COL14A1: variants seen among roughly 807,000 people sequenced by gnomAD.
COL14A1 encodes the protein collagen alpha-1(XIV) chain.
Under a neutral mutation model 230.3 loss-of-function variants are expected in COL14A1, and 136 were observed. The observed-to-expected ratio is 0.59, with a 90% CI of 0.51 to 0.68. The LOEUF (loss-of-function observed/expected upper bound fraction) is 0.68. Ranked by LOEUF, COL14A1 falls within the 30% of genes least tolerant of loss-of-function variation. The pLI is 0.00. For synonymous variants in COL14A1, 792 were observed against 784.1 expected, an observed-to-expected ratio of 1.01 and a Z score of -0.17; for missense variants, 1,976 against 2,215.8, an observed-to-expected ratio of 0.89 and a Z score of 2.17.
intron 42 of COL14A1, among the ~76,000 whole-genome samples, chr8:120,336,225 A>G (rs1822067297): frequency 6.6e-6 from 1 of 152,144 alleles, no homozygotes; most frequent in Admixed American, 6.5e-5. Flanking sequence ...GGCAAAGACA[A>G]GCAAATTGCT....
chr8:120,325,000 GGAAAA>G (rs1821609707), intron 40 of COL14A1, among the ~76,000 whole-genome samples: 2 of 151,832 alleles, frequency 1.3e-5, no homozygotes, highest in African/African-American at 4.8e-5. Flanking sequence ...TCTATAGTAT[GGAAAA>G]GAAAACTGCA....
At position 120,205,056 on chromosome 8, in the gene COL14A1, C is replaced by T. The variant is rs538635169; in HGVS notation, c.1039+1186C>T. 2.0e-5 allele frequency among the ~76,000 whole-genome samples: 3 copies of T among 152,218 alleles called. No homozygotes were observed. The South Asian group carries it at 6.2e-4, about 32-fold the overall frequency. On this transcript the variant is annotated intron_variant, in intron 9 of 47. Transcript: ENST00000297848. ...CAGCCAAAAAAGGCTGGAATTTTGA[C>T]TTCCCACTAGGCCTTTGCTGGCATG...
In COL14A1 at chr8:120,150,960, G is replaced by C. The variant is rs146190831; in HGVS notation, c.88+3030G>C. ...CAAACATCAATAGAGTTCAATAAGAGTTTAATAGAAGAAAAATGACTGATT... is the reference window on the plus strand; with the variant it reads ...CAAACATCAATAGAGTTCAATAAGACTTTAATAGAAGAAAAATGACTGATT... On this transcript the variant is annotated intron_variant, in intron 2 of 47. Transcript: ENST00000297848. 2.0e-5 allele frequency among the ~76,000 whole-genome samples: 3 copies of C among 151,822 alleles called. No individual in the cohort carries two copies. The East Asian group carries it at 5.8e-4, about 29-fold the overall frequency.
chr8:120,125,192 A>G lies in COL14A1; in HGVS notation c.-186A>G. The G allele has an allele frequency of 6.6e-6, 1 of 152,668 alleles. No individual in the cohort carries two copies. The highest frequency in any genetic ancestry group is 1.5e-5 in the Non-Finnish European group (1 of 68,312). 9.5% of individuals were successfully genotyped at this position (152,668 alleles called of 1,614,324 possible). ...AGCGCAGCGGCAGAAGGAGAGGGAG[A>G]GAGAAAGAGAGAGAGGCTAATTAAA... On this transcript the variant is annotated 5_prime_UTR_variant, in exon 1 of 48. Transcript: ENST00000297848.
At chr8:120,126,027 T>C (rs2130356238) in intron 1 of COL14A1, among the ~76,000 whole-genome samples, 1 of 152,224 alleles carries the variant, frequency 6.6e-6, no homozygotes, top group Non-Finnish European at 1.5e-5. Flanking sequence ...AGCCAGGAGG[T>C]TGCGGTTTTG....
At chr8:120,288,478 G>C (rs563839479) in intron 33 of COL14A1, among the ~76,000 whole-genome samples, 1 of 152,126 alleles carries the variant, frequency 6.6e-6, no homozygotes, top group Non-Finnish European at 1.5e-5. Context: ...TAATGTGAAA[G>C]AGGACATTAT....
intron 5 of COL14A1, among the ~76,000 whole-genome samples, chr8:120,183,984 T>C (rs1009088131): frequency 2.0e-5 from 3 of 152,182 alleles, no homozygotes; most frequent in Admixed American, 2.0e-4. Flanking sequence ...CAGTGTGTGA[T>C]GGTGGACACG....
At chr8:120,192,457 T>G (rs1435291190) in intron 5 of COL14A1, among the ~76,000 whole-genome samples, 1 of 152,160 alleles carries the variant, frequency 6.6e-6, no homozygotes, top group African/African-American at 2.4e-5. Context: ...AACCCGACCT[T>G]TCTCTCTGGC....
At chr8:120,243,763 T>C (rs997518577) in intron 19 of COL14A1, 116 bp from the exon 20 acceptor site, 2 of 1,255,466 alleles carry the variant, frequency 1.6e-6, no homozygotes, top group African/African-American at 1.5e-5. Flanking sequence ...TTCTCCTCAC[T>C]CTCAAAGCAC....
rs747413323 is a variant in COL14A1 at position 120,310,004 on chromosome 8, G to T, written c.4402-5G>T. ...TTGAGCTAATACTTAACATCTGTTT[G>T]CCAGGGTGGTCCAGGACTCCGAGGA... On this transcript the variant is annotated splice_region_variant and splice_polypyrimidine_tract_variant and intron_variant, in intron 36 of 47. Transcript: ENST00000297848. 6.2e-7 allele frequency: 1 copy of T among 1,613,788 alleles called. No individual in the cohort carries two copies. Among genetic ancestry groups the T allele is most frequent in the Non-Finnish European group, 8.5e-7 (1 of 1,179,794 alleles).
intron 1 of COL14A1, among the ~76,000 whole-genome samples, chr8:120,139,309 C>T (rs1272809390): frequency 6.6e-6 from 1 of 152,126 alleles, no homozygotes; most frequent in Non-Finnish European, 1.5e-5. Flanking sequence ...TCAGTTGTAA[C>T]TGCTGAGTCC....
chr8:120,162,380 T>A (rs1282966908), intron 3 of COL14A1, 46 bp from the exon 4 acceptor site: 1 of 1,520,858 alleles, frequency 6.6e-7, no homozygotes, highest in Non-Finnish European at 8.9e-7. Context: ...ATGTACACAG[T>A]GGACCTTATT....
At chr8:120,340,686 G>A (rs960778669) in intron 42 of COL14A1, among the ~76,000 whole-genome samples, 1 of 152,140 alleles carries the variant, frequency 6.6e-6, no homozygotes, top group African/African-American at 2.4e-5. Context: ...CTTTAATAAC[G>A]GCAAGGTTTC....
intron 45 of COL14A1, among the ~76,000 whole-genome samples, chr8:120,355,054 T>A (rs1312760538): frequency 6.6e-6 from 1 of 152,226 alleles, no homozygotes; most frequent in Non-Finnish European, 1.5e-5. Flanking sequence ...CTGAGGTTCC[T>A]CTTTTGATCA....
intron 23 of COL14A1, among the ~76,000 whole-genome samples, chr8:120,262,586 A>T (rs1819371579): frequency 6.6e-6 from 1 of 152,228 alleles, no homozygotes; most frequent in African/African-American, 2.4e-5. Flanking sequence ...ATATAATTAC[A>T]TGCATTAATA....
chr8:120,238,907 C>T (rs1818534430), intron 19 of COL14A1, among the ~76,000 whole-genome samples: 1 of 152,194 alleles, frequency 6.6e-6, no homozygotes, highest in African/African-American at 2.4e-5. Context: ...ACGTCCCACC[C>T]TGCTTATGCT....
chr8:120,297,969 A>G (rs1056547843), intron 35 of COL14A1, among the ~76,000 whole-genome samples: 1 of 152,080 alleles, frequency 6.6e-6, no homozygotes, highest in Non-Finnish European at 1.5e-5. Flanking sequence ...CTCAGTAGCC[A>G]TATAAAATAA....
chr8:120,343,478 C>G (rs186354706), intron 44 of COL14A1, among the ~76,000 whole-genome samples: 3 of 152,308 alleles, frequency 2.0e-5, no homozygotes, highest in Non-Finnish European at 4.4e-5. Flanking sequence ...AAAATTCCAT[C>G]TTTAATTCTG....
intron 45 of COL14A1, among the ~76,000 whole-genome samples, chr8:120,366,498 A>C (rs146167840): frequency 6.6e-6 from 1 of 152,202 alleles, no homozygotes; most frequent in African/African-American, 2.4e-5. Flanking sequence ...CTCACCTTTC[A>C]AGTGATCTTG....
Sources: allele counts gnomAD v4.1 joint callset (sites outside exome capture counted in the v4.1 genomes callset), GRCh38; gene constraint gnomAD v4.1.1; transcripts MANE v1.5; gene names NCBI Gene and HGNC (gene_info 2026-07-23, HGNC 2026-07-21).